The following RYR2 variants were observed in gnomAD, a reference collection of about 807,000 sequenced individuals.
RYR2 encodes ryanodine receptor 2.
Under a neutral mutation model 601.1 loss-of-function variants are expected in RYR2, and 227 were observed. That is an observed-to-expected ratio of 0.38 (90% CI 0.34 to 0.42). The LOEUF is 0.42. Among genes scored for constraint, RYR2 ranks in the 10% least tolerant of loss-of-function variants. RYR2 has a pLI of 1.00. For synonymous variants in RYR2, 2,223 were observed against 2,175.1 expected (o/e 1.02, Z -0.61); for missense variants, 4,646 against 6,156.5 (o/e 0.75, Z 8.21).
intron 1 of RYR2, among the ~76,000 whole-genome samples, chr1:237,121,852 T>C (rs1415711): frequency 0.21 from 31,517 of 152,094 alleles, 4,575 homozygotes; most frequent in African/African-American, 0.41. Context: ...AAAATTTAGA[T>C]GTGGTGTATT....
intron 1 of RYR2, among the ~76,000 whole-genome samples, chr1:237,257,168 T>C (rs1027880177): frequency 6.6e-6 from 1 of 152,314 alleles, no homozygotes; most frequent in South Asian, 2.1e-4. Context: ...CAATATAGTC[T>C]TGAGGCTAGG....
chr1:237,458,354 G>A (rs1219678938), intron 16 of RYR2, among the ~76,000 whole-genome samples: 3 of 152,190 alleles, frequency 2.0e-5, no homozygotes, highest in East Asian at 1.9e-4. Context: ...ATTTGAACCC[G>A]GGAAGCAGAG....
At chr1:237,664,001 G>T (rs1684053618) in intron 56 of RYR2, among the ~76,000 whole-genome samples, 1 of 152,140 alleles carries the variant, frequency 6.6e-6, no homozygotes. Flanking sequence ...CTCCTTGGTA[G>T]GGATACTAAA....
At position 237,631,431 on chromosome 1, in the gene RYR2, A is replaced by G. The variant is rs767258350; in HGVS notation, c.6445A>G (p.Ile2149Val). The G allele has an allele frequency of 8.6e-5, 139 of 1,608,282 alleles. No individual in the cohort carries two copies. Among genetic ancestry groups the G allele is most frequent in the Non-Finnish European group, 1.1e-4 (132 of 1,175,332 alleles). ...EKLMIRGLGD[I>V]MNNKVFYQHP... ...TACGTCCATTGTCCTTTCTAGGGAT[A>G]TTATGAATAACAAAGTGTTTTACCA... The change falls in exon 42 of 105, where the codon ATT (isoleucine) becomes GTT (valine). Residue 2149 changes from isoleucine to valine, a missense_variant. Transcript: ENST00000366574.
rs1453706502 is a variant in RYR2, at chr1:237,833,327, T to G, written c.*680T>G. ...GTGTCTCAGGACAAAAGGAGGCTCT[T>G]CTCATTCAGCTAAATTCACATTTGC... On this transcript the variant is annotated 3_prime_UTR_variant, in exon 105 of 105. Transcript: ENST00000366574. The G allele has an allele frequency of 6.8e-6, 1 of 146,524 alleles. No homozygotes were observed. The highest frequency in any genetic ancestry group is 1.5e-5 in the Non-Finnish European group (1 of 67,016). 9.1% of individuals were successfully genotyped at this position (146,524 alleles called of 1,614,324 possible). A position where few individuals can be genotyped will look rare whatever the true frequency, so the allele number is the denominator to read the frequency against.
At position 237,331,725 on chromosome 1, in the gene RYR2, A is replaced by G. The variant is rs1350004669; in HGVS notation, c.273+743A>G. Among the ~76,000 whole-genome samples the G allele has an allele frequency of 6.6e-5, 10 of 150,886 alleles. No homozygotes were observed. In the East Asian group the frequency reaches 1.8e-3, roughly 27 times the overall value. Reference sequence around the variant, plus strand: ...GAGACGGGGTTTCACCATGTTGGCCAGGATGGTCTTGACCTCCTGACCTCG... The same window carrying G: ...GAGACGGGGTTTCACCATGTTGGCCGGGATGGTCTTGACCTCCTGACCTCG... On this transcript the variant is annotated intron_variant, in intron 3 of 104. Transcript: ENST00000366574.
chr1:237,701,684 C>A (rs966783831), intron 65 of RYR2, among the ~76,000 whole-genome samples: 3 of 151,908 alleles, frequency 2.0e-5, no homozygotes, highest in Non-Finnish European at 4.4e-5. Flanking sequence ...CCCCTCCTGC[C>A]CCCTCACCCT....
intron 77 of RYR2, among the ~76,000 whole-genome samples, chr1:237,730,722 A>T (rs1272126115): frequency 1.3e-5 from 2 of 152,204 alleles, no homozygotes; most frequent in Admixed American, 6.5e-5. Context: ...TAAATTAAGT[A>T]GAAGGTGAAC....
intron 1 of RYR2, among the ~76,000 whole-genome samples, chr1:237,207,076 G>A (rs914166038): frequency 1.5e-4 from 23 of 151,918 alleles, no homozygotes; most frequent in Non-Finnish European, 1.5e-4. Flanking sequence ...CCAGCACATT[G>A]GGAGGCCAGA....
intron 1 of RYR2, among the ~76,000 whole-genome samples, chr1:237,115,927 C>A (rs1670029776): frequency 6.6e-6 from 1 of 152,114 alleles, no homozygotes; most frequent in Non-Finnish European, 1.5e-5. Context: ...CTGAACAATA[C>A]ATTTCTTGTG....
intron 1 of RYR2, among the ~76,000 whole-genome samples, chr1:237,219,010 ATTTT>A (rs754644450): frequency 2.5e-5 from 3 of 121,724 alleles, no homozygotes; most frequent in African/African-American, 6.2e-5. Context: ...CTTATACTTG[ATTTT>A]TTTTTTTTTT....
intron 21 of RYR2, among the ~76,000 whole-genome samples, chr1:237,501,260 C>A (rs954443595): frequency 6.8e-6 from 1 of 148,022 alleles, no homozygotes; most frequent in African/African-American, 2.5e-5. Flanking sequence ...TATTTTCATT[C>A]ATTTTCCTTT....
intron 24 of RYR2, among the ~76,000 whole-genome samples, chr1:237,521,299 T>G (rs1447366915): frequency 6.6e-6 from 1 of 152,168 alleles, no homozygotes; most frequent in Non-Finnish European, 1.5e-5. Flanking sequence ...ACAACAGTCC[T>G]CAACAAAAAT....
chr1:237,363,289 C>G (rs1699933948), intron 4 of RYR2, among the ~76,000 whole-genome samples: 1 of 151,930 alleles, frequency 6.6e-6, no homozygotes, highest in Non-Finnish European at 1.5e-5. Flanking sequence ...TGATTAATAT[C>G]AGTTATAAAA....
At chr1:237,254,386 A>G (rs1248378221) in intron 1 of RYR2, among the ~76,000 whole-genome samples, 1 of 152,182 alleles carries the variant, frequency 6.6e-6, no homozygotes, top group Non-Finnish European at 1.5e-5. Context: ...TTCTAAAATT[A>G]CTTCTCCATC....
rs547278741 is a variant in RYR2 at position 237,820,540 on chromosome 1, A to AT, written c.14590+1350dup. On this transcript the variant is annotated intron_variant, in intron 101 of 104. Coordinates refer to ENST00000366574, the MANE Select transcript of RYR2 (RefSeq NM_001035.3). ...GTCTTCGCAACCAGCAGACCGGGAC[A>AT]TTCCCTCCACTGCCTATGCCACCAG... Among the ~76,000 whole-genome samples, 246 of 152,306 alleles carry AT rather than the reference A, an allele frequency of 1.6e-3. 1 individual carries two copies. The highest frequency in any genetic ancestry group is 5.7e-3 in the African/African-American group (239 of 41,566).
In RYR2 at chr1:237,599,770, C is replaced by T. The variant is rs550681772; in HGVS notation, c.4597-2255C>T. Among the ~76,000 whole-genome samples the T allele has an allele frequency of 2.1e-5, 3 of 140,210 alleles. No homozygotes were observed. The South Asian group carries it at 6.7e-4, about 31-fold the overall frequency. The allele number at this position is 140,210 out of a possible 152,430, so 92.0% of individuals were successfully genotyped here. A position where few individuals can be genotyped will look rare whatever the true frequency, so the allele number is the denominator to read the frequency against. On this transcript the variant is annotated intron_variant, in intron 34 of 104. Coordinates refer to ENST00000366574, the MANE Select transcript of RYR2 (RefSeq NM_001035.3). ...CCCAGGAGGCAGAGGTTGCAGTGAG[C>T]TGAGCTCCAGCCTGGGTGACAGAGT...
chr1:237,571,504 G>A (rs912407471), intron 29 of RYR2, among the ~76,000 whole-genome samples: 8 of 151,886 alleles, frequency 5.3e-5, no homozygotes, highest in African/African-American at 9.7e-5. Context: ...TAGTAGAGAC[G>A]GGGTTTTATC....
intron 1 of RYR2, among the ~76,000 whole-genome samples, chr1:237,253,188 CA>C (rs1434631073): frequency 6.9e-6 from 1 of 145,102 alleles, no homozygotes; most frequent in Non-Finnish European, 1.5e-5. Flanking sequence ...AAAACAACAA[CA>C]AAAAGTGAAA....
Sources: gnomAD v4.1 joint callset for allele counts (sites outside exome capture counted in the v4.1 genomes callset) on GRCh38, gnomAD v4.1.1 for gene constraint, MANE v1.5 for transcripts, NCBI Gene and HGNC (gene_info 2026-07-23, HGNC 2026-07-21) for gene names.